Variants in OR2L13 observed in about 807,000 individuals in gnomAD.
The protein encoded by OR2L13 is olfactory receptor family 2 subfamily L member 13.
Under a neutral mutation model 15.3 loss-of-function variants are expected in OR2L13, and 14 were observed. That is an observed-to-expected ratio of 0.91 (90% CI 0.60 to 1.43). The LOEUF (loss-of-function observed/expected upper bound fraction) is 1.43. OR2L13 is among the 40% of genes most tolerant of loss of function. OR2L13 has a pLI of 0.00. For missense variants in OR2L13, 367 were observed against 387.9 expected (o/e 0.95, Z 0.45); for synonymous variants, 152 against 142.9 (o/e 1.06, Z -0.45).
chr1:247,987,308 A>T, the OR2L13 span, among the ~76,000 whole-genome samples: 1 of 152,316 alleles, frequency 6.6e-6, no homozygotes, highest in South Asian at 2.1e-4. Context: ...TAGTTATGTC[A>T]TATGCAAATA....
chr1:248,098,092 C>T (rs975295060), intron 1 of OR2L13, among the ~76,000 whole-genome samples: 5 of 152,160 alleles, frequency 3.3e-5, no homozygotes, highest in Non-Finnish European at 7.4e-5. Context: ...TTAGAAAAGT[C>T]GTTTGGAATA....
At chr1:248,028,533 C>G in the OR2L13 span, among the ~76,000 whole-genome samples, 1 of 152,162 alleles carries the variant, frequency 6.6e-6, no homozygotes, top group East Asian at 1.9e-4. Flanking sequence ...GGACTGAATA[C>G]AGACATGGAA....
chr1:247,975,669 T>A, the OR2L13 span: 1 of 1,052,134 alleles, frequency 9.5e-7, no homozygotes, highest in Middle Eastern at 2.1e-4. Context: ...AGACAAACTT[T>A]CTGCCTTAGA....
chr1:248,005,639 ATAATAT>A, the OR2L13 span, among the ~76,000 whole-genome samples: 1 of 152,154 alleles, frequency 6.6e-6, no homozygotes, highest in East Asian at 1.9e-4. Context: ...GGTTATTTAA[ATAATAT>A]TAATTATTCA....
At chr1:248,056,797 G>A in the OR2L13 span, among the ~76,000 whole-genome samples, 3 of 150,920 alleles carry the variant, frequency 2.0e-5, no homozygotes, top group Non-Finnish European at 2.9e-5. Flanking sequence ...GCTGGTACAC[G>A]CCACCATACT....
the OR2L13 span, among the ~76,000 whole-genome samples, chr1:247,961,728 C>G: frequency 6.6e-6 from 1 of 152,172 alleles, no homozygotes; most frequent in African/African-American, 2.4e-5. Context: ...GAGGCAATGA[C>G]TGGGTAGAAC....
upstream of OR2L13, among the ~76,000 whole-genome samples, chr1:248,092,933 TTA>T (rs1398463486): frequency 6.6e-6 from 1 of 152,116 alleles, no homozygotes; most frequent in African/African-American, 2.4e-5. Context: ...TCTAAAGAAT[TTA>T]TGTTTCTGTG....
chr1:248,061,080 C>T, the OR2L13 span: 22 of 1,613,972 alleles, frequency 1.4e-5, no homozygotes, highest in South Asian at 2.2e-4. Flanking sequence ...ACTATCCCAT[C>T]CGCATGAGCA....
chr1:248,025,442 G>A, the OR2L13 span, among the ~76,000 whole-genome samples: 21 of 149,214 alleles, frequency 1.4e-4, no homozygotes, highest in Admixed American at 1.2e-3. Flanking sequence ...TAAAAAGTCA[G>A]AAAACAACAA....
the OR2L13 span, among the ~76,000 whole-genome samples, chr1:248,047,454 A>T: frequency 2.0e-5 from 3 of 152,324 alleles, no homozygotes; most frequent in South Asian, 2.1e-4. Flanking sequence ...TAAAATCACC[A>T]GTCTTCAGTG....
At chr1:248,035,514 A>G in the OR2L13 span, 1 of 152,160 alleles carries the variant, frequency 6.6e-6, no homozygotes, top group African/African-American at 2.4e-5. Flanking sequence ...CTTAACTGTG[A>G]CATAATTTTT....
chr1:248,063,363 C>G, the OR2L13 span: 2 of 152,206 alleles, frequency 1.3e-5, no homozygotes, highest in Non-Finnish European at 2.9e-5. Flanking sequence ...ATTTCTATTT[C>G]TAAGCCTGTG....
chr1:248,044,491 C>T, the OR2L13 span, among the ~76,000 whole-genome samples: 1 of 152,136 alleles, frequency 6.6e-6, no homozygotes, highest in Non-Finnish European at 1.5e-5. Flanking sequence ...TAGCTCATCA[C>T]GCATCCGGAC....
At chr1:248,002,808 A>G in the OR2L13 span, among the ~76,000 whole-genome samples, 3 of 151,480 alleles carry the variant, frequency 2.0e-5, no homozygotes, top group East Asian at 5.8e-4. Flanking sequence ...CAGTGAGCCG[A>G]GATCGCACCA....
the OR2L13 span, chr1:248,004,040 A>T: frequency 1.6e-5 from 25 of 1,611,958 alleles, no homozygotes; most frequent in Middle Eastern, 1.5e-3. Context: ...GACACGAGTG[A>T]GTCAGAGAAT....
the OR2L13 span, among the ~76,000 whole-genome samples, chr1:247,967,374 AC>A: frequency 6.6e-6 from 1 of 151,722 alleles, no homozygotes; most frequent in East Asian, 1.9e-4. Context: ...GATTACAGGC[AC>A]CCGCCACCAC....
At chr1:247,943,231 A>C in the OR2L13 span, among the ~76,000 whole-genome samples, 1 of 152,160 alleles carries the variant, frequency 6.6e-6, no homozygotes, top group Non-Finnish European at 1.5e-5. Context: ...CATTGGGTAC[A>C]CATGGACATA....
the OR2L13 span, chr1:248,039,218 G>C: frequency 1.3e-6 from 2 of 1,593,356 alleles, no homozygotes; most frequent in African/African-American, 1.3e-5. Context: ...CATACGTTCT[G>C]TGTTAGAGTC....
At chr1:248,049,457 A>T in the OR2L13 span, among the ~76,000 whole-genome samples, 7 of 152,176 alleles carry the variant, frequency 4.6e-5, no homozygotes, top group East Asian at 1.9e-4. Flanking sequence ...AGAGGAGATT[A>T]TATGGGTGTT....
Sources: gnomAD v4.1 joint callset for allele counts (sites outside exome capture counted in the v4.1 genomes callset) on GRCh38, gnomAD v4.1.1 for gene constraint, MANE v1.5 for transcripts, NCBI Gene and HGNC (gene_info 2026-07-23, HGNC 2026-07-21) for gene names.